RUSC2: variants seen among roughly 807,000 people sequenced by gnomAD.
RUSC2 encodes RUN and SH3 domain containing 2.
RUSC2 carries 34 observed loss-of-function variants against 122.2 expected under a neutral mutation model. The observed-to-expected ratio is 0.28, with a 90% CI of 0.21 to 0.37. The LOEUF is 0.37. Among genes scored for constraint, RUSC2 ranks in the 10% least tolerant of loss-of-function variants. RUSC2 has a pLI of 1.00. For synonymous variants in RUSC2, 784 were observed against 790.0 expected (o/e 0.99, Z 0.13); for missense variants, 1,747 against 1,952.4 (o/e 0.89, Z 1.98).
At position 35,559,210 on chromosome 9, in the gene RUSC2, A is replaced by C. The variant is rs758882550; in HGVS notation, c.3342-16A>C. The C allele has an allele frequency of 1.9e-6, 3 of 1,607,888 alleles. No individual in the cohort carries two copies. Among genetic ancestry groups the C allele is most frequent in the Non-Finnish European group, 2.6e-6 (3 of 1,174,498 alleles). ...ATTCACACAAGACTCAACTCTCTTCACCTGTCTCCCTACAGCATCCGGTCC... is the reference window on the plus strand; with the variant it reads ...ATTCACACAAGACTCAACTCTCTTCCCCTGTCTCCCTACAGCATCCGGTCC... On this transcript the variant is annotated splice_polypyrimidine_tract_variant and intron_variant, in intron 8 of 11. Transcript: ENST00000361226.
chr9:35,543,904 G>T (rs1353449299), intron 1 of RUSC2, among the ~76,000 whole-genome samples: 3 of 152,204 alleles, frequency 2.0e-5, no homozygotes, highest in Non-Finnish European at 4.4e-5. Context: ...GAATAATGCT[G>T]TTATGAACAT....
chr9:35,531,713 G>T (rs1263693369), intron 1 of RUSC2, among the ~76,000 whole-genome samples: 1 of 152,148 alleles, frequency 6.6e-6, no homozygotes, highest in East Asian at 1.9e-4. Context: ...TAGCATAGTA[G>T]CGGAAACATA....
chr9:35,559,101 G>A, intron 8 of RUSC2, 125 bp from the exon 9 acceptor site: 1 of 789,548 alleles, frequency 1.3e-6, no homozygotes. Flanking sequence ...CTGGAATTAG[G>A]TGAAATGAAT....
chr9:35,543,458 A>AT (rs1018524232), intron 1 of RUSC2, among the ~76,000 whole-genome samples: 3 of 152,214 alleles, frequency 2.0e-5, no homozygotes, highest in East Asian at 3.8e-4. Context: ...TATGCATAAA[A>AT]TGGGTATTTA....
chr9:35,560,522 T>C lies in RUSC2; in HGVS notation c.3882T>C (p.Gly1294=). The part of the protein sequence containing the change: ...GSIEGSRFPR[G]SSNSSSEKKK... Reference sequence around the variant, plus strand: ...TTGAGGGTTCCAGGTTCCCTCGTGGTAGCAGCAACAGCAGCAGCGAGAAAA... The same window carrying C: ...TTGAGGGTTCCAGGTTCCCTCGTGGCAGCAGCAACAGCAGCAGCGAGAAAA... Residue 1294 remains glycine (G), a synonymous_variant, in exon 10 of 12, where the codon GGT becomes GGC. Coordinates refer to ENST00000361226, the MANE Select transcript of RUSC2 (RefSeq NM_014806.5). The C allele has an allele frequency of 6.2e-7, 1 of 1,613,992 alleles. No individual in the cohort carries two copies. Among genetic ancestry groups the C allele is most frequent in the South Asian group, 1.1e-5 (1 of 91,076 alleles).
intron 1 of RUSC2, among the ~76,000 whole-genome samples, chr9:35,496,451 C>T (rs1296288321): frequency 6.6e-6 from 1 of 152,178 alleles, no homozygotes; most frequent in Non-Finnish European, 1.5e-5. Flanking sequence ...CTTGCACCTG[C>T]AGTCACTTAT....
At chr9:35,509,209 C>T (rs1045738906) in intron 1 of RUSC2, among the ~76,000 whole-genome samples, 4 of 152,134 alleles carry the variant, frequency 2.6e-5, no homozygotes, top group African/African-American at 9.7e-5. Context: ...TACCTGTAGT[C>T]CCAGCTACTC....
In RUSC2 at chr9:35,546,438, C is replaced by T; in HGVS notation, c.-84C>T. ...TTTCCCTCTCTCTCCAGGTGCCAAG[C>T]TCTCCTGATGAAATGTGTTCTGCCC... On this transcript the variant is annotated 5_prime_UTR_variant, in exon 2 of 12. Coordinates refer to ENST00000361226, the MANE Select transcript of RUSC2 (RefSeq NM_014806.5). The surrounding 1 kb of genome is among the most constrained non-coding windows in gnomAD (Gnocchi z 4.3). 1 of 1,073,854 alleles carries T rather than the reference C, an allele frequency of 9.3e-7. No homozygotes were observed. The highest frequency in any genetic ancestry group is 1.2e-6 in the Non-Finnish European group (1 of 812,786). 66.5% of individuals were successfully genotyped at this position (1,073,854 alleles called of 1,614,324 possible). A position where few individuals can be genotyped will look rare whatever the true frequency, so the allele number is the denominator to read the frequency against.
chr9:35,507,161 C>A (rs1237875955), intron 1 of RUSC2, among the ~76,000 whole-genome samples: 1 of 152,066 alleles, frequency 6.6e-6, no homozygotes, highest in South Asian at 2.1e-4. Context: ...AAATTTAAAT[C>A]ACCTATAATC....
At position 35,547,756 on chromosome 9, in the gene RUSC2, C is replaced by T. The variant is rs2132553654; in HGVS notation, c.1235C>T (p.Pro412Leu). The T allele has an allele frequency of 1.9e-6, 3 of 1,614,174 alleles. No individual in the cohort carries two copies. Among genetic ancestry groups the T allele is most frequent in the Non-Finnish European group, 2.5e-6 (3 of 1,180,054 alleles). Residue 412 changes from proline (P) to leucine (L), a missense_variant, in exon 2 of 12, where the codon CCT (proline) becomes CTT (leucine). Physicochemically the swap from Pro to Leu is moderately conservative, Grantham distance 98. Coordinates refer to ENST00000361226, the MANE Select transcript of RUSC2 (RefSeq NM_014806.5). The surrounding 1 kb of genome is among the most constrained non-coding windows in gnomAD (Gnocchi z 4.6). ...CDLSSQSSPS[P>L]AGSSITSCSE... ...CTATCTTCCCAATCATCCCCAAGCCCTGCTGGCTCTTCCATCACTAGCTGC... is the reference window on the plus strand; with the variant it reads ...CTATCTTCCCAATCATCCCCAAGCCTTGCTGGCTCTTCCATCACTAGCTGC...
intron 1 of RUSC2, among the ~76,000 whole-genome samples, chr9:35,522,375 C>CA (rs1239604123): frequency 6.6e-6 from 1 of 152,192 alleles, no homozygotes; most frequent in East Asian, 1.9e-4. Flanking sequence ...TGGGGCCCCC[C>CA]ACAGTAAGGA....
chr9:35,516,298 C>G (rs1187134219), intron 1 of RUSC2, among the ~76,000 whole-genome samples: 1 of 151,910 alleles, frequency 6.6e-6, no homozygotes, highest in African/African-American at 2.4e-5. Flanking sequence ...TCACCCCTAC[C>G]CCCATGCCTC....
At chr9:35,505,378 C>A (rs183340802) in intron 1 of RUSC2, among the ~76,000 whole-genome samples, 1 of 152,210 alleles carries the variant, frequency 6.6e-6, no homozygotes, top group East Asian at 1.9e-4. Context: ...CCTTAGTCCC[C>A]GACCCCACCA....
Position 35,490,117 on chromosome 9 carries a change from C to CGCCGCCGCCGCT in RUSC2, c.-137_-136insTGCCGCCGCCGC, listed in dbSNP as rs1357019330. 12 of 95,540 alleles carry CGCCGCCGCCGCT rather than the reference C, an allele frequency of 1.3e-4. No homozygotes were observed. Among genetic ancestry groups the CGCCGCCGCCGCT allele is most frequent in the African/African-American group, 4.3e-4 (12 of 28,144 alleles). The allele number at this position is 95,540 out of a possible 1,614,324, so 5.9% of individuals were successfully genotyped here. On this transcript the variant is annotated 5_prime_UTR_variant, in exon 1 of 12. Coordinates refer to ENST00000361226, the MANE Select transcript of RUSC2 (RefSeq NM_014806.5). ...AACGCGACCCCTGGAGGGCGAGACA[C>CGCCGCCGCCGCT]GCCGCCGCCGCCGCCGCCGCCGGCG...
chr9:35,507,699 A>C (rs1309720596), intron 1 of RUSC2: 1 of 233,934 alleles, frequency 4.3e-6, no homozygotes, highest in African/African-American at 2.3e-5. Flanking sequence ...CAGGAAGCAC[A>C]GTGGCTATGG....
chr9:35,555,573 T>C lies in RUSC2; in HGVS notation c.2528T>C (p.Leu843Ser). The change falls in exon 3 of 12, where the codon TTG (leucine) becomes TCG (serine). Residue 843 changes from leucine (L) to serine (S), a missense_variant. Leu to Ser is a moderately radical substitution (Grantham distance 145, BLOSUM62 -2). Transcript: ENST00000361226. This position sits in a 1 kb window ranked among gnomAD's most constrained non-coding sequence, Gnocchi z 4.6. ...PQKEDQKILT[L>S]TEYRLHGTGS... Reference sequence around the variant, plus strand: ...AAGGAGGATCAGAAGATACTGACCTTGACTGAGTACCGGCTCCATGGAACA... The same window carrying C: ...AAGGAGGATCAGAAGATACTGACCTCGACTGAGTACCGGCTCCATGGAACA... 6.2e-7 allele frequency: 1 copy of C among 1,614,092 alleles called. No individual in the cohort carries two copies. Among genetic ancestry groups the C allele is most frequent in the South Asian group, 1.1e-5 (1 of 91,080 alleles).
At chr9:35,554,429 G>A (rs557776907) in intron 2 of RUSC2, among the ~76,000 whole-genome samples, 1 of 152,310 alleles carries the variant, frequency 6.6e-6, no homozygotes, top group East Asian at 1.9e-4. Flanking sequence ...ATCTTACTAT[G>A]GTTCGATATG....
At chr9:35,535,249 G>A (rs1016124516) in intron 1 of RUSC2, among the ~76,000 whole-genome samples, 1 of 151,816 alleles carries the variant, frequency 6.6e-6, no homozygotes, top group Non-Finnish European at 1.5e-5. Flanking sequence ...CCGAATAGCT[G>A]GGGTTACAGG....
At position 35,556,670 on chromosome 9, in the gene RUSC2, A is replaced by C. The variant is rs143742392; in HGVS notation, c.2983+222A>C. Among the ~76,000 whole-genome samples the C allele has an allele frequency of 4.1e-3, 621 of 152,098 alleles. 3 individuals are homozygous for C. Among genetic ancestry groups the C allele is most frequent in the African/African-American group, 0.012 (482 of 41,486 alleles). ...AAACCCCATCTCTACTAAAAACACA[A>C]AAAAAAATTAGCTGGGTGTTGTGGT... On this transcript the variant is annotated intron_variant, in intron 5 of 11. Coordinates refer to ENST00000361226, the MANE Select transcript of RUSC2 (RefSeq NM_014806.5).
Sources: allele counts gnomAD v4.1 joint callset (sites outside exome capture counted in the v4.1 genomes callset), GRCh38; gene constraint gnomAD v4.1.1; non-coding constraint Gnocchi (gnomAD v3.1); transcripts MANE v1.5; gene names NCBI Gene and HGNC (gene_info 2026-07-23, HGNC 2026-07-21).